Variants in HERC2 observed in about 807,000 individuals in gnomAD.
HERC2 encodes HECT and RLD domain containing E3 ubiquitin protein ligase 2, also known as E3 ubiquitin-protein ligase HERC2.
A neutral mutation model predicts 537.7 loss-of-function variants in HERC2; 102 were observed. The ratio of observed to expected loss-of-function variants is 0.19; its 90% CI spans 0.16 to 0.22. The LOEUF is 0.22. HERC2 is among the 10% of genes least tolerant of loss of function. The pLI is 1.00. For synonymous variants in HERC2, 2,224 were observed against 2,466.2 expected (o/e 0.90, Z 2.91); for missense variants, 4,236 against 6,198.2 (o/e 0.68, Z 10.63).
At chr15:28,293,292 G>C (rs1449750494) in intron 3 of HERC2, among the ~76,000 whole-genome samples, 1 of 152,062 alleles carries the variant, frequency 6.6e-6, no homozygotes, top group Non-Finnish European at 1.5e-5. Flanking sequence ...AGGAGATCGA[G>C]ACCATCCTGG....
intron 4 of HERC2, among the ~76,000 whole-genome samples, chr15:28,282,331 T>C (rs1288518737): frequency 6.6e-6 from 1 of 152,100 alleles, no homozygotes; most frequent in Non-Finnish European, 1.5e-5. Flanking sequence ...AAACCAAATT[T>C]TAAACAGTTA....
chr15:28,183,461 G>A (rs1481469106), intron 56 of HERC2, among the ~76,000 whole-genome samples: 1 of 152,054 alleles, frequency 6.6e-6, no homozygotes, highest in Non-Finnish European at 1.5e-5. Flanking sequence ...GATCCTCCCT[G>A]CTCAGCCTCC....
At chr15:28,310,435 AC>A (rs2076909804) in intron 2 of HERC2, among the ~76,000 whole-genome samples, 1 of 152,148 alleles carries the variant, frequency 6.6e-6, no homozygotes, top group African/African-American at 2.4e-5. Flanking sequence ...ATAGAGCAAG[AC>A]CCTATCAAAA....
At chr15:28,206,942 T>C (rs988699131) in intron 44 of HERC2, among the ~76,000 whole-genome samples, 9 of 148,852 alleles carry the variant, frequency 6.0e-5, no homozygotes, top group Non-Finnish European at 1.3e-4. Context: ...ACCAGGGAGT[T>C]GGAGGTTGCA....
intron 90 of HERC2, among the ~76,000 whole-genome samples, 161 bp downstream of exon 90, chr15:28,114,451 T>C (rs1488182598): frequency 6.6e-6 from 1 of 152,198 alleles, no homozygotes; most frequent in Non-Finnish European, 1.5e-5. Flanking sequence ...ATACCGACCC[T>C]GATCACAAAA....
chr15:28,141,087 A>T (rs1420670238), intron 78 of HERC2, among the ~76,000 whole-genome samples: 1 of 151,840 alleles, frequency 6.6e-6, no homozygotes, highest in Non-Finnish European at 1.5e-5. Context: ...AAAATACAAA[A>T]GTTAGCCAGG....
At chr15:28,247,637 T>C (rs890337949) in intron 21 of HERC2, among the ~76,000 whole-genome samples, 5 of 151,980 alleles carry the variant, frequency 3.3e-5, no homozygotes, top group South Asian at 2.1e-4. Flanking sequence ...ACTATGTTGG[T>C]CAGGCTGGTC....
intron 2 of HERC2, among the ~76,000 whole-genome samples, chr15:28,307,119 G>A (rs1352598519): frequency 6.6e-6 from 1 of 152,222 alleles, no homozygotes; most frequent in Non-Finnish European, 1.5e-5. Context: ...ACAGGCATGA[G>A]CCACCACGCC....
In HERC2 at chr15:28,198,223, T is replaced by C. The variant is rs549563869; in HGVS notation, c.8011+155A>G. ...GTTTCACTGCAGGTGAGTTCCTCTG[T>C]GGCCTTTGGCAGAAGGCACTGACAA... is the stretch of plus-strand genomic sequence containing the variant. On this transcript the variant is annotated intron_variant, in intron 50 of 92. Coordinates refer to ENST00000261609, the MANE Select transcript of HERC2 (RefSeq NM_004667.6). 1.2e-4 allele frequency among the ~76,000 whole-genome samples: 18 copies of C among 152,364 alleles called. No individual in the cohort carries two copies. In the South Asian group the frequency reaches 2.7e-3, roughly 23 times the overall value.
chr15:28,220,632 G>C lies in HERC2; in HGVS notation c.5665C>G (p.Pro1889Ala). ...TCACCAATCACGCGGCCTAGGCCTGGAGGAGGCCCATCCTGAGAAAGCCAA... is the reference window on the plus strand; with the variant it reads ...TCACCAATCACGCGGCCTAGGCCTGCAGGAGGCCCATCCTGAGAAAGCCAA... ...WKWGDQDGPP[P>A]GLGRVIGELG... The change falls in exon 37 of 93, where the codon CCA becomes GCA. Residue 1889 changes from proline to alanine, a missense_variant. Physicochemically the swap from Pro to Ala is conservative, Grantham distance 27. Coordinates refer to ENST00000261609, the MANE Select transcript of HERC2 (RefSeq NM_004667.6). 6.2e-7 allele frequency: 1 copy of C among 1,604,006 alleles called. No homozygotes were observed. The highest frequency in any genetic ancestry group is 8.5e-7 in the Non-Finnish European group (1 of 1,179,812).
Position 28,117,082 on chromosome 15 carries a change from C to T in HERC2, c.13345G>A (p.Ala4449Thr), listed in dbSNP as rs538022409. 1 of 1,614,164 alleles carries T rather than the reference C, an allele frequency of 6.2e-7. No individual in the cohort carries two copies. Among genetic ancestry groups the T allele is most frequent in the South Asian group, 1.1e-5 (1 of 91,082 alleles). ...TCGGGACCAAACGAGCTCATCTTAGCACACATCTGCCCAAAGACAGACTTG... is the reference window on the plus strand; with the variant it reads ...TCGGGACCAAACGAGCTCATCTTAGTACACATCTGCCCAAAGACAGACTTG... ...GTKSVFGQMC[A>T]KMSSFGPDSL... The change falls in exon 87 of 93, where the codon GCT (alanine) becomes ACT (threonine). Residue 4449 changes from alanine to threonine, a missense_variant. Physicochemically the swap from Ala to Thr is moderately conservative, Grantham distance 58. Around this residue, in one of 27 missense-constraint regions of HERC2, gnomAD observed 29 missense variants for 102.1 expected, o/e 0.28. Transcript: ENST00000261609.
intron 56 of HERC2, among the ~76,000 whole-genome samples, chr15:28,184,599 C>T (rs1896122853): frequency 6.6e-6 from 1 of 152,088 alleles, no homozygotes; most frequent in South Asian, 2.1e-4. Context: ...CAGTGGCTCA[C>T]GCCTATAATC....
chr15:28,224,357 G>A (rs1188695863), intron 35 of HERC2, among the ~76,000 whole-genome samples: 1 of 152,016 alleles, frequency 6.6e-6, no homozygotes, highest in Non-Finnish European at 1.5e-5. Flanking sequence ...AGGTAGCTGG[G>A]ACCATAGGCA....
intron 36 of HERC2, among the ~76,000 whole-genome samples, chr15:28,221,219 G>GA (rs1375894629): frequency 4.6e-5 from 7 of 151,672 alleles, no homozygotes; most frequent in African/African-American, 1.7e-4. Context: ...AGGATCCTCT[G>GA]AGTCAATGCA....
chr15:28,316,270 G>A (rs1383789235), intron 2 of HERC2, among the ~76,000 whole-genome samples: 2 of 139,612 alleles, frequency 1.4e-5, no homozygotes, highest in East Asian at 1.9e-4. Context: ...AAAGTCCTAC[G>A]GCTAAACCCT....
chr15:28,277,307 T>G (rs763802391), intron 5 of HERC2, among the ~76,000 whole-genome samples: 81 of 152,062 alleles, frequency 5.3e-4, no homozygotes, highest in Non-Finnish European at 1.0e-3. Context: ...CATGTAAAAC[T>G]GGGAAAATCT....
At chr15:28,124,565 TC>T (rs11367353) in intron 84 of HERC2, among the ~76,000 whole-genome samples, 129,214 of 152,114 alleles carry the variant, frequency 0.85, 58,312 homozygotes, top group Non-Finnish European at 0.99. Context: ...GCATGAACAT[TC>T]AAGGTTCTTT....
Position 28,132,696 on chromosome 15 carries a change from C to G in HERC2, c.12365G>C (p.Arg4122Pro). Residue 4122 changes from arginine to proline, a missense_variant, in exon 80 of 93, where the codon CGG becomes CCG. Around this residue, in one of 27 missense-constraint regions of HERC2, gnomAD observed 94 missense variants for 137.4 expected, o/e 0.68. Coordinates refer to ENST00000261609, the MANE Select transcript of HERC2 (RefSeq NM_004667.6). ...LYTWGKGRYGRLGHSDSEDQL... is the reference protein window; with the variant it reads ...LYTWGKGRYGPLGHSDSEDQL... ...GTCCTCACTGTCGCTGTGCCCCAGC[C>G]GGCCGTAGCGGCCTTTGCCCCATGT... The G allele has an allele frequency of 6.3e-7, 1 of 1,588,056 alleles. No homozygotes were observed. The highest frequency in any genetic ancestry group is 8.6e-7 in the Non-Finnish European group (1 of 1,167,328).
chr15:28,175,017 A>T (rs1895122329), intron 64 of HERC2, among the ~76,000 whole-genome samples: 1 of 152,206 alleles, frequency 6.6e-6, no homozygotes, highest in African/African-American at 2.4e-5. Context: ...TTATAAAGTA[A>T]AATTCATTCT....
Sources: allele counts gnomAD v4.1 joint callset (sites outside exome capture counted in the v4.1 genomes callset), GRCh38; gene constraint gnomAD v4.1.1; regional missense constraint gnomAD v4.1.1; transcripts MANE v1.5; gene names NCBI Gene and HGNC (gene_info 2026-07-23, HGNC 2026-07-21).